COL22A1: variants seen among roughly 807,000 people sequenced by gnomAD.
The protein encoded by COL22A1 is collagen type XXII alpha 1 chain, also known as collagen alpha-1(XXII) chain.
In COL22A1, 221 loss-of-function variants were observed where a neutral mutation model predicts 248.9. The ratio of observed to expected loss-of-function variants is 0.89; its 90% CI spans 0.80 to 0.99. The LOEUF (loss-of-function observed/expected upper bound fraction) is 0.99. Among genes scored for constraint, COL22A1 ranks in the 50% least tolerant of loss-of-function variants. COL22A1 has a pLI of 0.00. For missense variants in COL22A1, 2,240 were observed against 2,179.0 expected (o/e 1.03, Z -0.56); for synonymous variants, 891 against 793.4 (o/e 1.12, Z -2.07).
At chr8:138,876,886 G>A (rs987599379) in intron 3 of COL22A1, among the ~76,000 whole-genome samples, 3 of 152,210 alleles carry the variant, frequency 2.0e-5, no homozygotes, top group African/African-American at 7.2e-5. Context: ...AACCCCTCCC[G>A]GGCCTGGAGG....
intron 3 of COL22A1, among the ~76,000 whole-genome samples, chr8:138,855,161 C>T (rs1821924979): frequency 6.6e-6 from 1 of 152,236 alleles, no homozygotes; most frequent in African/African-American, 2.4e-5. Flanking sequence ...ATGTCCAGTA[C>T]AGTGCCTGGC....
At chr8:138,664,684 G>A (rs1475134363) in intron 41 of COL22A1, among the ~76,000 whole-genome samples, 1 of 152,202 alleles carries the variant, frequency 6.6e-6, no homozygotes, top group Non-Finnish European at 1.5e-5. Flanking sequence ...TGGCTGTGGA[G>A]TCTGCATTCT....
intron 55 of COL22A1, 135 bp downstream of exon 55, chr8:138,615,866 C>T: frequency 1.5e-6 from 1 of 657,144 alleles, no homozygotes; most frequent in African/African-American, 1.8e-5. Context: ...TCCTTGCCAA[C>T]CAATCCTGTG....
chr8:138,804,073 T>C (rs564549213), intron 10 of COL22A1, among the ~76,000 whole-genome samples: 1 of 152,304 alleles, frequency 6.6e-6, no homozygotes, highest in African/African-American at 2.4e-5. Context: ...CTCTTCATAC[T>C]ATCCCAATCC....
At chr8:138,801,094 T>A (rs1238972432) in intron 11 of COL22A1, among the ~76,000 whole-genome samples, 1 of 152,206 alleles carries the variant, frequency 6.6e-6, no homozygotes, top group Non-Finnish European at 1.5e-5. Context: ...GCTCTCCTTA[T>A]TTCCATGTCT....
In COL22A1 at chr8:138,722,022, C is replaced by T. The variant is rs1829903489; in HGVS notation, c.2301+14G>A. 1.3e-6 allele frequency: 2 copies of T among 1,565,738 alleles called. No individual in the cohort carries two copies. Among genetic ancestry groups the T allele is most frequent in the African/African-American group, 2.7e-5 (2 of 74,032 alleles). On this transcript the variant is annotated intron_variant, in intron 26 of 64. Coordinates refer to ENST00000303045, the MANE Select transcript of COL22A1 (RefSeq NM_152888.3). The stretch of plus-strand genomic sequence containing the variant: ...TGGGTTCCCAAACTGGTGCCAACCG[C>T]ATCAGTGACCAACCTTGGTTCCTGG...
Position 138,796,874 on chromosome 8 carries a change from A to G in COL22A1, c.1558-17T>C. 1 of 1,555,968 alleles carries G rather than the reference A, an allele frequency of 6.4e-7. No individual in the cohort carries two copies. Among genetic ancestry groups the G allele is most frequent in the Non-Finnish European group, 8.9e-7 (1 of 1,127,318 alleles). Reference sequence around the variant, plus strand: ...TCCTATGCCCTAGAAAAATGAAAGAAGGCAAAGATTCACTACAGAGCATCT... The same window carrying G: ...TCCTATGCCCTAGAAAAATGAAAGAGGGCAAAGATTCACTACAGAGCATCT... On this transcript the variant is annotated splice_polypyrimidine_tract_variant and intron_variant, in intron 11 of 64. Coordinates refer to ENST00000303045, the MANE Select transcript of COL22A1 (RefSeq NM_152888.3).
chr8:138,865,283 A>G (rs1822775030), intron 3 of COL22A1, among the ~76,000 whole-genome samples: 1 of 152,098 alleles, frequency 6.6e-6, no homozygotes, highest in Non-Finnish European at 1.5e-5. Flanking sequence ...TTGGTTGTCT[A>G]TGTGTGTGCA....
At chr8:138,814,404 G>C (rs993140446) in intron 7 of COL22A1, among the ~76,000 whole-genome samples, 3 of 152,164 alleles carry the variant, frequency 2.0e-5, no homozygotes, top group Non-Finnish European at 4.4e-5. Flanking sequence ...AAGAAGACTG[G>C]CTGCTGTCTT....
intron 30 of COL22A1, among the ~76,000 whole-genome samples, chr8:138,708,017 G>T (rs1376592229): frequency 6.6e-6 from 1 of 152,082 alleles, no homozygotes; most frequent in Admixed American, 6.5e-5. Context: ...GCCAAATCAC[G>T]AGTGAACTCC....
chr8:138,605,937 T>A (rs1339149361), intron 58 of COL22A1, among the ~76,000 whole-genome samples: 3 of 152,168 alleles, frequency 2.0e-5, no homozygotes, highest in Non-Finnish European at 4.4e-5. Flanking sequence ...TTTACTATTA[T>A]TTCCAGGGGT....
In COL22A1 at chr8:138,883,131, C is replaced by A. The variant is rs1364245161; in HGVS notation, c.42G>T (p.Trp14Cys). ...CGCCCCCACTCCACAGCAGCAGCAT[C>A]CAGAGGAGGCCAGCCACAGCGTTCC... ...LRGNAVAGLL[W>C]MLLLWSGGGG... The change falls in exon 2 of 65, where the codon TGG becomes TGT. Residue 14 changes from tryptophan (W) to cysteine (C), a missense_variant. Transcript: ENST00000303045. 6.3e-7 allele frequency: 1 copy of A among 1,597,836 alleles called. No individual in the cohort carries two copies. Among genetic ancestry groups the A allele is most frequent in the Middle Eastern group, 1.7e-4 (1 of 6,050 alleles).
chr8:138,716,322 A>T (rs1829428121), intron 28 of COL22A1, 33 bp from the exon 29 acceptor site: 1 of 1,519,144 alleles, frequency 6.6e-7, no homozygotes, highest in East Asian at 2.4e-5. Flanking sequence ...AGGCGTCAAC[A>T]GGAAGGCTCT....
chr8:138,653,385 G>A (rs1388627255), intron 45 of COL22A1, among the ~76,000 whole-genome samples: 1 of 152,150 alleles, frequency 6.6e-6, no homozygotes, highest in Admixed American at 6.5e-5. Context: ...ATAGTAGAGA[G>A]GCTACGCGTA....
At chr8:138,844,751 T>C (rs995083878) in intron 3 of COL22A1, among the ~76,000 whole-genome samples, 9 of 151,680 alleles carry the variant, frequency 5.9e-5, no homozygotes, top group East Asian at 3.9e-4. Context: ...GAGATCGAGA[T>C]CATCCTGGCT....
chr8:138,905,004 A>G (rs969060112), intron 1 of COL22A1, among the ~76,000 whole-genome samples: 4 of 152,232 alleles, frequency 2.6e-5, no homozygotes, highest in African/African-American at 9.6e-5. Flanking sequence ...CATCTGTAAA[A>G]AGGGAGTACT....
chr8:138,901,671 C>T (rs1226197441), intron 1 of COL22A1, among the ~76,000 whole-genome samples: 2 of 152,094 alleles, frequency 1.3e-5, no homozygotes, highest in Non-Finnish European at 2.9e-5. Context: ...CTGGCCTTTA[C>T]TGGGACTTCC....
At chr8:138,864,616 G>A (rs556667202) in intron 3 of COL22A1, among the ~76,000 whole-genome samples, 2 of 152,186 alleles carry the variant, frequency 1.3e-5, no homozygotes, top group South Asian at 2.1e-4. Context: ...ATAAATAGGA[G>A]CACACTAAGT....
chr8:138,598,327 G>C (rs1308215940), intron 61 of COL22A1, among the ~76,000 whole-genome samples: 1 of 152,194 alleles, frequency 6.6e-6, no homozygotes. Context: ...CCATCCCACA[G>C]TGAAGTTCAG....
Sources: gnomAD v4.1 joint callset for allele counts (sites outside exome capture counted in the v4.1 genomes callset) on GRCh38, gnomAD v4.1.1 for gene constraint, MANE v1.5 for transcripts, NCBI Gene and HGNC (gene_info 2026-07-23, HGNC 2026-07-21) for gene names.